DGLUCY: variants seen among roughly 807,000 people sequenced by gnomAD.
DGLUCY encodes D-glutamate cyclase, mitochondrial.
Under a neutral mutation model 58.5 loss-of-function variants are expected in DGLUCY, and 58 were observed. That is an observed-to-expected ratio of 0.99 (90% CI 0.80 to 1.23). DGLUCY has a LOEUF of 1.23. Among genes scored for constraint, DGLUCY ranks in the 50% most tolerant of loss-of-function variants. The pLI is 0.00. For missense variants in DGLUCY, 779 were observed against 784.7 expected (o/e 0.99, Z 0.09); for synonymous variants, 325 against 314.1 (o/e 1.03, Z -0.37).
intron 1 of DGLUCY, among the ~76,000 whole-genome samples, chr14:91,062,256 A>T (rs964087964): frequency 2.6e-5 from 4 of 152,084 alleles, no homozygotes; most frequent in African/African-American, 9.7e-5. Context: ...ACTTAAAAAT[A>T]TAAAAACAGG....
intron 12 of DGLUCY, among the ~76,000 whole-genome samples, chr14:91,212,231 G>A (rs1885795624): frequency 6.6e-6 from 1 of 152,224 alleles, no homozygotes. Context: ...AGAAGGCTGG[G>A]TGCAGTGGCT....
At chr14:91,188,783 C>T in intron 8 of DGLUCY, 127 bp from the exon 9 acceptor site, 1 of 1,092,836 alleles carries the variant, frequency 9.2e-7, no homozygotes, top group Non-Finnish European at 1.3e-6. Context: ...GAGCTGTGAT[C>T]ACGCCACTGC....
chr14:91,100,090 GA>G (rs1257227318), intron 1 of DGLUCY, among the ~76,000 whole-genome samples: 1 of 144,912 alleles, frequency 6.9e-6, no homozygotes, highest in East Asian at 2.0e-4. Context: ...AAGAAGAAAA[GA>G]AAAGAAAATT....
chr14:91,204,794 C>G lies in DGLUCY; in HGVS notation c.1533C>G (p.Cys511Trp). The G allele has an allele frequency of 6.2e-7, 1 of 1,614,030 alleles. No individual in the cohort carries two copies. Among genetic ancestry groups the G allele is most frequent in the Non-Finnish European group, 8.5e-7 (1 of 1,179,956 alleles). The change falls in exon 12 of 14, where the codon TGC (cysteine) becomes TGG (tryptophan). Residue 511 changes from cysteine to tryptophan, a missense_variant. Cys to Trp is a radical substitution (Grantham distance 215). Coordinates refer to ENST00000256324, the MANE Select transcript of DGLUCY (RefSeq NM_001102368.3). ...TACGGCACGGGGATGTCATCGCCTG[C>G]GACGTGGAGGCTGACTTTGCCGTCA... is the stretch of plus-strand genomic sequence containing the variant. Reference protein sequence around the residue: ...RHIRHGDVIACDVEADFAVIA... With the variant: ...RHIRHGDVIAWDVEADFAVIA...
intron 1 of DGLUCY, among the ~76,000 whole-genome samples, chr14:91,072,114 C>T (rs530279910): frequency 7.9e-5 from 12 of 151,912 alleles, no homozygotes; most frequent in Non-Finnish European, 1.5e-4. Flanking sequence ...CTTGAGCCCA[C>T]GAGTTCAAGA....
Position 91,074,160 on chromosome 14 carries a change from C to CACACACACACACACACACACACACAT in DGLUCY, c.-82+13457_-82+13458insCACACACACACACACACACACACATA, listed in dbSNP as rs1453975330. ...ACACACACACACACACACACACACA[C>CACACACACACACACACACACACACAT]AGTCAAGCACCTGTATTCCCAGCTA... On this transcript the variant is annotated intron_variant, in intron 1 of 4. Transcript: ENST00000521334. Among the ~76,000 whole-genome samples the CACACACACACACACACACACACACAT allele has an allele frequency of 6.5e-4, 89 of 136,110 alleles. 3 individuals are homozygous for CACACACACACACACACACACACACAT. Among genetic ancestry groups the CACACACACACACACACACACACACAT allele is most frequent in the East Asian group, 3.4e-3 (15 of 4,474 alleles). 89.3% of individuals were successfully genotyped at this position (136,110 alleles called of 152,430 possible).
At chr14:91,063,227 C>G (rs2043761818) in intron 1 of DGLUCY, among the ~76,000 whole-genome samples, 1 of 151,318 alleles carries the variant, frequency 6.6e-6, no homozygotes, top group South Asian at 2.1e-4. Flanking sequence ...ATCTCATTTC[C>G]TCTTCCTAGA....
chr14:91,167,406 A>G, intron 4 of DGLUCY, 28 bp downstream of exon 4: 1 of 1,613,986 alleles, frequency 6.2e-7, no homozygotes, highest in East Asian at 2.2e-5. Context: ...CTGTGGGTTG[A>G]AGCTTGGGAG....
intron 1 of DGLUCY, among the ~76,000 whole-genome samples, chr14:91,141,846 C>T (rs1469506025): frequency 4.7e-5 from 7 of 147,590 alleles, no homozygotes; most frequent in Admixed American, 1.4e-4. Flanking sequence ...TCACTGCGCC[C>T]GGCCTTTTTT....
chr14:91,210,567 T>C (rs576843686), intron 12 of DGLUCY, among the ~76,000 whole-genome samples: 3 of 152,042 alleles, frequency 2.0e-5, no homozygotes, highest in Non-Finnish European at 4.4e-5. Flanking sequence ...TAATAAAAAA[T>C]AAAAATCAAG....
At chr14:91,120,618 G>T (rs966071114) in intron 1 of DGLUCY, among the ~76,000 whole-genome samples, 1 of 152,058 alleles carries the variant, frequency 6.6e-6, no homozygotes, top group African/African-American at 2.4e-5. Context: ...CACCATGTTG[G>T]CCAGGCTGGT....
intron 1 of DGLUCY, chr14:91,125,402 A>G (rs1318768016): frequency 1.3e-5 from 2 of 152,246 alleles, no homozygotes; most frequent in African/African-American, 4.8e-5. Context: ...GCCCAGAGAT[A>G]GATCTGTGTT....
At chr14:91,095,746 T>C (rs1413082527) in intron 1 of DGLUCY, among the ~76,000 whole-genome samples, 1 of 152,160 alleles carries the variant, frequency 6.6e-6, no homozygotes, top group East Asian at 1.9e-4. Context: ...CTCTCCTTTA[T>C]ACACCTCTTC....
intron 1 of DGLUCY, among the ~76,000 whole-genome samples, chr14:91,072,446 G>A (rs1032573838): frequency 6.6e-6 from 1 of 151,808 alleles, no homozygotes; most frequent in African/African-American, 2.4e-5. Flanking sequence ...AATTTTTGTG[G>A]TTTACAAACA....
chr14:91,165,539 CCTGTAGCT>C (rs1224758955), intron 3 of DGLUCY, among the ~76,000 whole-genome samples: 11 of 152,208 alleles, frequency 7.2e-5, no homozygotes, highest in African/African-American at 2.4e-4. Context: ...GAGGTCTTCT[CCTGTAGCT>C]CTGTGAACAC....
intron 6 of DGLUCY, 52 bp from the exon 7 acceptor site, chr14:91,175,882 C>T: frequency 6.2e-7 from 1 of 1,604,262 alleles, no homozygotes; most frequent in South Asian, 1.1e-5. Context: ...TCAACCAGTT[C>T]TAATTGGATG....
intron 1 of DGLUCY, among the ~76,000 whole-genome samples, chr14:91,094,508 C>T (rs1482560344): frequency 1.3e-5 from 2 of 151,196 alleles, no homozygotes; most frequent in Non-Finnish European, 2.9e-5. Context: ...CAGACAGAAG[C>T]TGGGAGCCTG....
intron 1 of DGLUCY, among the ~76,000 whole-genome samples, chr14:91,135,653 T>TAAAAAAA (rs60532081): frequency 1.0e-5 from 1 of 100,314 alleles, no homozygotes; most frequent in African/African-American, 4.0e-5. Flanking sequence ...TCTGCCTCAT[T>TAAAAAAA]AAAAAAAAAA....
At chr14:91,161,832 AT>A (rs2048012508) in intron 3 of DGLUCY, among the ~76,000 whole-genome samples, 10 of 151,196 alleles carry the variant, frequency 6.6e-5, no homozygotes, top group Non-Finnish European at 1.5e-5. Flanking sequence ...TTTTTTTTAA[AT>A]AAAAGTAATG....
Sources: gnomAD v4.1 joint callset for allele counts (sites outside exome capture counted in the v4.1 genomes callset) on GRCh38, gnomAD v4.1.1 for gene constraint, MANE v1.5 for transcripts, NCBI Gene and HGNC (gene_info 2026-07-23, HGNC 2026-07-21) for gene names.